The following SVOP variants were observed in gnomAD, a reference collection of about 807,000 sequenced individuals.
SVOP encodes SV2 related protein.
SVOP carries 17 observed loss-of-function variants against 69.1 expected under a neutral mutation model. The ratio of observed to expected loss-of-function variants is 0.25; its 90% CI spans 0.17 to 0.37. The LOEUF is 0.37. SVOP is among the 10% of genes least tolerant of loss of function. The pLI is 1.00. For missense variants in SVOP, 435 were observed against 597.5 expected (o/e 0.73, Z 2.84); for synonymous variants, 238 against 238.6 (o/e 1.00, Z 0.02).
chr12:108,996,251 T>A (rs2040231542), intron 1 of SVOP, among the ~76,000 whole-genome samples: 1 of 152,144 alleles, frequency 6.6e-6, no homozygotes, highest in South Asian at 2.1e-4. Context: ...AGGTCCTCAA[T>A]ACTCAAAAAC....
chr12:108,937,784 A>AT (rs2039865011), intron 9 of SVOP, among the ~76,000 whole-genome samples: 1 of 152,260 alleles, frequency 6.6e-6, no homozygotes, highest in Admixed American at 6.5e-5. Flanking sequence ...CAAAAGATTG[A>AT]TTAGCTAAAT....
At chr12:109,004,074 G>A (rs190193400) in intron 1 of SVOP, among the ~76,000 whole-genome samples, 4 of 152,198 alleles carry the variant, frequency 2.6e-5, no homozygotes, top group East Asian at 1.9e-4. Context: ...TGAATCAGTC[G>A]GGTTCCTAAA....
chr12:108,944,637 AC>A (rs1318935523), intron 7 of SVOP, among the ~76,000 whole-genome samples: 1 of 152,062 alleles, frequency 6.6e-6, no homozygotes, highest in Non-Finnish European at 1.5e-5. Context: ...GGGTCACAAG[AC>A]CCTGGAAGAA....
chr12:108,994,015 C>T (rs1593202825), intron 1 of SVOP, among the ~76,000 whole-genome samples: 1 of 152,144 alleles, frequency 6.6e-6, no homozygotes, highest in Non-Finnish European at 1.5e-5. Flanking sequence ...ACATCTTCGC[C>T]GCAAGGACCG....
chr12:108,929,621 C>T (rs957866108), intron 11 of SVOP, among the ~76,000 whole-genome samples: 3 of 152,120 alleles, frequency 2.0e-5, no homozygotes, highest in Non-Finnish European at 4.4e-5. Context: ...CCTATCAAGT[C>T]GGTTTAACCA....
intron 6 of SVOP, among the ~76,000 whole-genome samples, chr12:108,950,675 A>G (rs1422495807): frequency 6.6e-6 from 1 of 152,224 alleles, no homozygotes; most frequent in Non-Finnish European, 1.5e-5. Flanking sequence ...ATGAGCCACC[A>G]TGCCCAGCTG....
intron 4 of SVOP, among the ~76,000 whole-genome samples, chr12:108,975,024 C>A (rs2040099287): frequency 6.6e-6 from 1 of 152,198 alleles, no homozygotes; most frequent in African/African-American, 2.4e-5. Context: ...ATGTGACAGT[C>A]CTGGATTCTA....
chr12:108,915,003 T>A (rs767277288), intron 15 of SVOP, among the ~76,000 whole-genome samples: 55 of 151,480 alleles, frequency 3.6e-4, no homozygotes, highest in Non-Finnish European at 7.1e-4. Context: ...TGAAACCTTG[T>A]CTCTACTAAA....
chr12:109,017,356 T>A (rs1216061635), intron 1 of SVOP, among the ~76,000 whole-genome samples: 2 of 150,966 alleles, frequency 1.3e-5, no homozygotes, highest in Non-Finnish European at 3.0e-5. Flanking sequence ...CCCATCCCCC[T>A]ACCTAACCAC....
intron 1 of SVOP, among the ~76,000 whole-genome samples, chr12:109,012,809 G>A (rs930613076): frequency 6.6e-6 from 1 of 152,118 alleles, no homozygotes; most frequent in Non-Finnish European, 1.5e-5. Context: ...TGTGCCTGTA[G>A]TCTCAGCTAC....
chr12:108,926,008 T>G (rs182789714), intron 11 of SVOP, among the ~76,000 whole-genome samples: 2 of 152,076 alleles, frequency 1.3e-5, no homozygotes, highest in African/African-American at 4.8e-5. Context: ...AGCCTTGAAT[T>G]CCTGGGCTCA....
chr12:108,995,373 T>C (rs1010552171), intron 1 of SVOP, among the ~76,000 whole-genome samples: 1 of 152,158 alleles, frequency 6.6e-6, no homozygotes, highest in African/African-American at 2.4e-5. Flanking sequence ...GAAGATATTA[T>C]GCGGAGTGAA....
chr12:108,951,676 C>T (rs1427536507), intron 6 of SVOP, among the ~76,000 whole-genome samples: 1 of 152,122 alleles, frequency 6.6e-6, no homozygotes, highest in African/African-American at 2.4e-5. Context: ...ACCAGAAACG[C>T]CGTGGATATA....
intron 1 of SVOP, among the ~76,000 whole-genome samples, chr12:109,012,237 C>G (rs936312674): frequency 3.3e-5 from 5 of 151,616 alleles, no homozygotes; most frequent in Non-Finnish European, 7.4e-5. Context: ...GAGCCAAGAT[C>G]ACGCCACTGC....
chr12:109,008,876 T>G (rs2040324572), intron 1 of SVOP, among the ~76,000 whole-genome samples: 2 of 152,050 alleles, frequency 1.3e-5, no homozygotes, highest in African/African-American at 4.8e-5. Context: ...AGTGGGTTAC[T>G]CTTCTGATTG....
intron 1 of SVOP, among the ~76,000 whole-genome samples, chr12:109,003,375 A>G (rs1406380122): frequency 6.6e-6 from 1 of 152,262 alleles, no homozygotes; most frequent in Non-Finnish European, 1.5e-5. Flanking sequence ...TTGATGGAAC[A>G]GCATGCTGCT....
At chr12:108,919,882 GGT>G in intron 12 of SVOP, 96 bp from the exon 13 acceptor site, 3 of 804,560 alleles carry the variant, frequency 3.7e-6, no homozygotes, top group Non-Finnish European at 6.1e-6. Flanking sequence ...TCCCCTGGAG[GGT>G]GGACTAGACT....
chr12:109,003,843 A>G (rs1043553329), intron 1 of SVOP, among the ~76,000 whole-genome samples: 6 of 152,170 alleles, frequency 3.9e-5, no homozygotes, highest in African/African-American at 1.4e-4. Flanking sequence ...CCTGGGCTTG[A>G]GTGGTCCTCC....
intron 13 of SVOP, 61 bp from the exon 14 acceptor site, chr12:108,918,185 C>T (rs375022452): frequency 7.2e-7 from 1 of 1,392,162 alleles, no homozygotes; most frequent in African/African-American, 1.4e-5. Context: ...TCAGCATAGT[C>T]CTATCTTCCC....
Sources: allele counts gnomAD v4.1 joint callset (sites outside exome capture counted in the v4.1 genomes callset), GRCh38; gene constraint gnomAD v4.1.1; transcripts MANE v1.5; gene names NCBI Gene and HGNC (gene_info 2026-07-23, HGNC 2026-07-21).